The following DNAH3 variants were observed in gnomAD, a reference collection of about 807,000 sequenced individuals.
The protein encoded by DNAH3 is dynein axonemal heavy chain 3.
Under a neutral mutation model 432.5 loss-of-function variants are expected in DNAH3, and 332 were observed. The observed-to-expected ratio is 0.77, with a 90% CI of 0.70 to 0.84. The LOEUF (loss-of-function observed/expected upper bound fraction) is 0.84. DNAH3 is among the 40% of genes least tolerant of loss of function. The pLI is 0.00. For missense variants in DNAH3, 4,861 were observed against 5,114.0 expected (o/e 0.95, Z 1.51); for synonymous variants, 1,956 against 1,900.2 (o/e 1.03, Z -0.76).
intron 24 of DNAH3, among the ~76,000 whole-genome samples, chr16:21,063,810 G>A (rs1181331684): frequency 6.6e-6 from 1 of 152,102 alleles, no homozygotes; most frequent in Admixed American, 6.6e-5. Context: ...CCAGAGTACT[G>A]GGACTGTAAA....
At chr16:21,073,693 C>A (rs1042251473) in intron 21 of DNAH3, among the ~76,000 whole-genome samples, 58 of 152,308 alleles carry the variant, frequency 3.8e-4, no homozygotes, top group African/African-American at 1.3e-3. Flanking sequence ...CTAAACTCCT[C>A]TTGCCCGAAG....
chr16:21,099,533 T>C (rs1010933389), intron 16 of DNAH3, among the ~76,000 whole-genome samples: 1 of 152,098 alleles, frequency 6.6e-6, no homozygotes, highest in African/African-American at 2.4e-5. Context: ...TCTAATGAGG[T>C]AGAATAATAT....
At chr16:20,981,521 G>A (rs527947800) in intron 49 of DNAH3, among the ~76,000 whole-genome samples, 3 of 152,076 alleles carry the variant, frequency 2.0e-5, no homozygotes, top group East Asian at 1.9e-4. Flanking sequence ...ATCACTTAAG[G>A]TCAGTTGAGC....
At chr16:20,964,041 G>A in exon 53 of DNAH3, 1 of 1,614,134 alleles carries the variant, frequency 6.2e-7, no homozygotes, top group Non-Finnish European at 8.5e-7. Flanking sequence ...TTTCTGTCAT[G>A]GAAGCAACTT....
intron 5 of DNAH3, among the ~76,000 whole-genome samples, chr16:21,138,223 G>C (rs915963959): frequency 5.9e-5 from 9 of 151,866 alleles, no homozygotes; most frequent in Non-Finnish European, 1.2e-4. Context: ...ATTCAAACCT[G>C]GGTGACAGAG....
exon 31 of DNAH3, chr16:21,049,626 G>A: frequency 1.2e-6 from 2 of 1,614,188 alleles, no homozygotes; most frequent in South Asian, 1.1e-5. Context: ...CCAGCCCCTT[G>A]AAGAACTTCC....
At chr16:21,067,590 T>G (rs1033260197) in intron 23 of DNAH3, among the ~76,000 whole-genome samples, 171 bp from the exon 24 acceptor site, 1 of 152,030 alleles carries the variant, frequency 6.6e-6, no homozygotes, top group African/African-American at 2.4e-5. Flanking sequence ...ATGACCTTGT[T>G]CCTCTGATCA....
intron 1 of DNAH3, among the ~76,000 whole-genome samples, chr16:21,149,823 T>G (rs887826101): frequency 2.6e-5 from 4 of 152,120 alleles, no homozygotes; most frequent in Non-Finnish European, 5.9e-5. Flanking sequence ...TCAGCAAAAA[T>G]GATATTTCAA....
chr16:20,933,283 G>T, exon 62 of DNAH3: 1 of 1,614,164 alleles, frequency 6.2e-7, no homozygotes, highest in Non-Finnish European at 8.5e-7. Context: ...TTCCTCTGCG[G>T]GCACTTGTTT....
At chr16:21,045,187 A>C (rs946005539) in intron 31 of DNAH3, among the ~76,000 whole-genome samples, 2 of 150,758 alleles carry the variant, frequency 1.3e-5, no homozygotes, top group African/African-American at 4.8e-5. Context: ...TGCTGGCCTC[A>C]TAAAATGAGT....
At chr16:21,037,602 A>G (rs2089234461) in intron 34 of DNAH3, among the ~76,000 whole-genome samples, 159 bp downstream of exon 34, 1 of 152,050 alleles carries the variant, frequency 6.6e-6, no homozygotes, top group South Asian at 2.1e-4. Context: ...GCTATCTATC[A>G]CTCTTATTAT....
exon 19 of DNAH3, chr16:21,086,989 G>A: frequency 6.2e-7 from 1 of 1,614,178 alleles, no homozygotes; most frequent in Non-Finnish European, 8.5e-7. Flanking sequence ...GTCTTGATCA[G>A]TTTATACGTT....
intron 18 of DNAH3, among the ~76,000 whole-genome samples, chr16:21,094,575 G>A (rs2091625969): frequency 6.6e-6 from 1 of 152,108 alleles, no homozygotes; most frequent in Non-Finnish European, 1.5e-5. Flanking sequence ...GGAGGCTGAG[G>A]TGGGAGAATT....
At chr16:20,943,500 A>C (rs1447775090) in intron 58 of DNAH3, among the ~76,000 whole-genome samples, 1 of 152,178 alleles carries the variant, frequency 6.6e-6, no homozygotes, top group East Asian at 1.9e-4. Context: ...CTGGGACTAC[A>C]GGTGCGATTC....
chr16:21,076,507 A>T (rs1460618192), intron 20 of DNAH3, among the ~76,000 whole-genome samples: 1 of 152,150 alleles, frequency 6.6e-6, no homozygotes, highest in East Asian at 1.9e-4. Context: ...CCTGCACTAG[A>T]CCCCAGCAGA....
exon 53 of DNAH3, chr16:20,963,819 C>A (rs755332249): frequency 6.2e-7 from 1 of 1,613,970 alleles, no homozygotes; most frequent in South Asian, 1.1e-5. Flanking sequence ...TGTAGATGCT[C>A]AGGGTGAAAT....
chr16:21,109,485 C>G (rs2092021138), intron 14 of DNAH3, among the ~76,000 whole-genome samples: 1 of 152,092 alleles, frequency 6.6e-6, no homozygotes, highest in African/African-American at 2.4e-5. Flanking sequence ...TGATGATTTT[C>G]TGATATGTAT....
intron 28 of DNAH3, among the ~76,000 whole-genome samples, chr16:21,053,367 A>G (rs543231937): frequency 1.1e-4 from 17 of 152,266 alleles, no homozygotes; most frequent in African/African-American, 3.9e-4. Context: ...GGAGTATGGT[A>G]TGCCTGAGGG....
In DNAH3 at chr16:20,941,583, C is replaced by T. The variant is rs927313490; in HGVS notation, c.11512-40G>A. 6.2e-6 allele frequency: 10 copies of T among 1,609,604 alleles called. No individual in the cohort carries two copies. In the Admixed American group the frequency reaches 6.7e-5, roughly 11 times the overall value. On this transcript the variant is annotated intron_variant, in intron 58 of 61. Transcript: ENST00000261383. ...AGAAGAGAGGTGAGTGAGAAGCAAGCCCTACAGGCTGTGGCTTTGGATAAA... is the reference window on the plus strand; with the variant it reads ...AGAAGAGAGGTGAGTGAGAAGCAAGTCCTACAGGCTGTGGCTTTGGATAAA...
Sources: allele counts gnomAD v4.1 joint callset (sites outside exome capture counted in the v4.1 genomes callset), GRCh38; gene constraint gnomAD v4.1.1; transcripts MANE v1.5; gene names NCBI Gene and HGNC (gene_info 2026-07-23, HGNC 2026-07-21).